Variants in AFG1L observed in about 807,000 individuals in gnomAD.
The protein encoded by AFG1L is AFG1 like ATPase.
Under a neutral mutation model 62.2 loss-of-function variants are expected in AFG1L, and 53 were observed. That is an observed-to-expected ratio of 0.85 (90% CI 0.68 to 1.07). AFG1L has a LOEUF of 1.07. AFG1L is among the 50% of genes least tolerant of loss of function. The probability of loss-of-function intolerance (pLI) is 0.00; values close to 1 mark genes in which losing one functional copy is unlikely to be tolerated. For synonymous variants in AFG1L, 228 were observed against 210.3 expected, an observed-to-expected ratio of 1.08 and a Z score of -0.73; for missense variants, 555 against 590.5, an observed-to-expected ratio of 0.94 and a Z score of 0.62.
intron 8 of AFG1L, among the ~76,000 whole-genome samples, chr6:108,448,301 C>T (rs940123272): frequency 5.9e-5 from 9 of 152,070 alleles, no homozygotes; most frequent in Non-Finnish European, 1.0e-4. Flanking sequence ...TCTGCTTTAA[C>T]TTGGACTTTT....
intron 1 of AFG1L, among the ~76,000 whole-genome samples, chr6:108,322,308 C>T (rs1470228441): frequency 1.3e-5 from 2 of 152,164 alleles, no homozygotes; most frequent in Non-Finnish European, 2.9e-5. Context: ...TATCTTGTTG[C>T]TCTGCTTCAT....
At chr6:108,494,471 A>G (rs1411437799) in intron 10 of AFG1L, among the ~76,000 whole-genome samples, 3 of 151,568 alleles carry the variant, frequency 2.0e-5, no homozygotes, top group Non-Finnish European at 4.4e-5. Context: ...TTAACCATTA[A>G]AAGGGGATGA....
intron 7 of AFG1L, among the ~76,000 whole-genome samples, chr6:108,412,860 A>G (rs899973857): frequency 5.3e-5 from 8 of 152,210 alleles, no homozygotes; most frequent in South Asian, 2.1e-4. Flanking sequence ...GCATCAACTA[A>G]TGAGCAAAAT....
Position 108,332,393 on chromosome 6 carries a change from A to T in AFG1L, c.363+8345A>T, listed in dbSNP as rs150565459. 1.6e-3 allele frequency among the ~76,000 whole-genome samples: 251 copies of T among 152,368 alleles called. 2 individuals carry two copies. Among genetic ancestry groups the T allele is most frequent in the African/African-American group, 5.8e-3 (243 of 41,584 alleles). On this transcript the variant is annotated intron_variant, in intron 2 of 12. Transcript: ENST00000368977. ...TAGAACAAAATAGAAAGTTCAGAATATACATGGGAACTTGATATATGATTG... is the reference window on the plus strand; with the variant it reads ...TAGAACAAAATAGAAAGTTCAGAATTTACATGGGAACTTGATATATGATTG...
intron 7 of AFG1L, among the ~76,000 whole-genome samples, chr6:108,431,944 C>T (rs982614718): frequency 2.0e-5 from 3 of 150,790 alleles, no homozygotes; most frequent in Non-Finnish European, 4.4e-5. Flanking sequence ...CATGGTCCTC[C>T]ACAGAGTTCC....
rs142730183 is a variant in AFG1L at position 108,375,110 on chromosome 6, T to C, written c.748+8778T>C. Among the ~76,000 whole-genome samples the C allele has an allele frequency of 9.8e-4, 149 of 152,274 alleles. 1 individual carries two copies. Among genetic ancestry groups the C allele is most frequent in the Non-Finnish European group, 1.7e-3 (116 of 67,990 alleles). On this transcript the variant is annotated intron_variant, in intron 6 of 12. Coordinates refer to ENST00000368977, the MANE Select transcript of AFG1L (RefSeq NM_145315.5). ...GGCTATTACAAATGGGATTGCATTC[T>C]TGATTTGGCTCTCAGTTTGAATGTT...
At chr6:108,377,712 C>T (rs1269034317) in intron 6 of AFG1L, among the ~76,000 whole-genome samples, 1 of 151,824 alleles carries the variant, frequency 6.6e-6, no homozygotes, top group African/African-American at 2.4e-5. Context: ...AGTATGGTGA[C>T]TATATATGTC....
rs112912484 is a variant in AFG1L at position 108,502,179 on chromosome 6, C to T, written c.1063-8033C>T. 1.1e-3 allele frequency among the ~76,000 whole-genome samples: 157 copies of T among 148,276 alleles called. 1 individual carries two copies. The highest frequency in any genetic ancestry group is 3.7e-3 in the African/African-American group (151 of 40,980). On this transcript the variant is annotated intron_variant, in intron 10 of 12. Coordinates refer to ENST00000368977, the MANE Select transcript of AFG1L (RefSeq NM_145315.5). ...GTAGCTGAGATTACAGGTGCAGCCA[C>T]CATGCCTGGTTTTGCTTTTTGTTTG...
At chr6:108,491,867 C>T (rs1451823230) in intron 10 of AFG1L, among the ~76,000 whole-genome samples, 1 of 152,154 alleles carries the variant, frequency 6.6e-6, no homozygotes, top group East Asian at 1.9e-4. Flanking sequence ...GAAAGCAACT[C>T]TTCAATATCC....
intron 1 of AFG1L, among the ~76,000 whole-genome samples, chr6:108,319,440 A>T (rs1021576174): frequency 6.7e-6 from 1 of 150,206 alleles, no homozygotes; most frequent in Non-Finnish European, 1.5e-5. Flanking sequence ...GCTAATTAAA[A>T]ATTTTTTTTT....
At chr6:108,407,711 A>G (rs1347914219) in intron 7 of AFG1L, among the ~76,000 whole-genome samples, 2 of 151,158 alleles carry the variant, frequency 1.3e-5, no homozygotes, top group Non-Finnish European at 1.5e-5. Context: ...AAAAAAATCA[A>G]TCCCACAGGA....
intron 10 of AFG1L, among the ~76,000 whole-genome samples, chr6:108,495,415 AATGGT>A (rs1438233590): frequency 6.6e-6 from 1 of 152,214 alleles, no homozygotes; most frequent in Non-Finnish European, 1.5e-5. Flanking sequence ...CAGCTGAAAT[AATGGT>A]AGCAGAGCAG....
chr6:108,335,866 T>C (rs1778457068), intron 2 of AFG1L, among the ~76,000 whole-genome samples: 1 of 152,232 alleles, frequency 6.6e-6, no homozygotes, highest in Non-Finnish European at 1.5e-5. Flanking sequence ...AAAAGTCATT[T>C]GCATCTTTAA....
chr6:108,521,702 C>T (rs925876072), intron 12 of AFG1L: 4 of 152,210 alleles, frequency 2.6e-5, no homozygotes, highest in African/African-American at 4.8e-5. Flanking sequence ...ACTTAGTGGC[C>T]ATGAGTCTGT....
Position 108,450,833 on chromosome 6 carries a change from C to T in AFG1L, c.890+3537C>T, listed in dbSNP as rs180721547. On this transcript the variant is annotated intron_variant, in intron 8 of 12. Coordinates refer to ENST00000368977, the MANE Select transcript of AFG1L (RefSeq NM_145315.5). ...TTCTACATATGGCTAGCCAGTTTTC[C>T]CAGAACCTTTTATTAAATAGGGAAT... 4.9e-3 allele frequency among the ~76,000 whole-genome samples: 748 copies of T among 151,960 alleles called. 3 individuals carry two copies. Among genetic ancestry groups the T allele is most frequent in the African/African-American group, 0.017 (724 of 41,440 alleles).
chr6:108,474,055 T>C (rs1773015583), intron 8 of AFG1L, among the ~76,000 whole-genome samples: 1 of 152,136 alleles, frequency 6.6e-6, no homozygotes, highest in African/African-American at 2.4e-5. Context: ...CCTGACAGGC[T>C]CTGGTGTGTG....
At chr6:108,314,395 T>G (rs889313322) in intron 1 of AFG1L, among the ~76,000 whole-genome samples, 1 of 151,414 alleles carries the variant, frequency 6.6e-6, no homozygotes, top group Non-Finnish European at 1.5e-5. Context: ...TTCTGCTTCT[T>G]CTTTTTTTTT....
rs569435290 is a variant in AFG1L, at chr6:108,323,862, T to C, written c.177T>C (p.Thr59=). 3 of 1,614,066 alleles carry C rather than the reference T, an allele frequency of 1.9e-6. No homozygotes were observed. The highest frequency in any genetic ancestry group is 2.5e-6 in the Non-Finnish European group (3 of 1,180,028). Reference sequence around the variant, plus strand: ...AGACATCCGAGAGCATGACCCCAACTGCCACTTCAGAGACTTATTTGAAAG... The same window carrying C: ...AGACATCCGAGAGCATGACCCCAACCGCCACTTCAGAGACTTATTTGAAAG... ...TVQTSESMTP[T]ATSETYLKAL... The change falls in exon 2 of 13, where the codon ACT becomes ACC. Residue 59 remains threonine, a synonymous_variant. Transcript: ENST00000368977.
intron 10 of AFG1L, among the ~76,000 whole-genome samples, chr6:108,494,497 C>T (rs1314210306): frequency 1.3e-5 from 2 of 151,818 alleles, no homozygotes; most frequent in Non-Finnish European, 1.5e-5. Flanking sequence ...TAGCAAAAAT[C>T]TGGCAGATTT....
Sources: gnomAD v4.1 joint callset for allele counts (sites outside exome capture counted in the v4.1 genomes callset) on GRCh38, gnomAD v4.1.1 for gene constraint, MANE v1.5 for transcripts, NCBI Gene and HGNC (gene_info 2026-07-23, HGNC 2026-07-21) for gene names.